The following OTOA variants were observed in gnomAD, a reference collection of about 807,000 sequenced individuals.
OTOA encodes the protein cancer/testis antigen 108.
Under a neutral mutation model 110.8 loss-of-function variants are expected in OTOA, and 70 were observed. The observed-to-expected ratio is 0.63, with a 90% CI of 0.52 to 0.77. OTOA has a LOEUF of 0.77. Among genes scored for constraint, OTOA ranks in the 30% least tolerant of loss-of-function variants. The pLI is 0.00. For missense variants in OTOA, 917 were observed against 1,075.8 expected, an observed-to-expected ratio of 0.85 and a Z score of 2.06; for synonymous variants, 373 against 431.5, an observed-to-expected ratio of 0.86 and a Z score of 1.68.
chr16:21,666,951 C>G (rs1221298940), intron 1 of OTOA, among the ~76,000 whole-genome samples: 1 of 152,038 alleles, frequency 6.6e-6, no homozygotes, highest in Non-Finnish European at 1.5e-5. Flanking sequence ...TAGAGGGGCC[C>G]GAGCAAAGAG....
At chr16:21,708,219 G>A (rs536209470) in intron 12 of OTOA, among the ~76,000 whole-genome samples, 13 of 152,306 alleles carry the variant, frequency 8.5e-5, no homozygotes, top group African/African-American at 2.6e-4. Context: ...TGGGGGTGAT[G>A]AGAGACAGTG....
chr16:21,681,468 A>G (rs1200131215), intron 5 of OTOA, among the ~76,000 whole-genome samples: 1 of 152,104 alleles, frequency 6.6e-6, no homozygotes, highest in Admixed American at 6.6e-5. Context: ...CTGTGATCCC[A>G]GCTGCTTGGG....
Position 21,710,044 on chromosome 16 carries a change from TCAGGTTGGG to T in OTOA, c.1263_1271del (p.Gly422_Ala424del). 1 of 1,614,040 alleles carries T rather than the reference TCAGGTTGGG, an allele frequency of 6.2e-7. No homozygotes were observed. Among genetic ancestry groups the T allele is most frequent in the Non-Finnish European group, 8.5e-7 (1 of 1,179,982 alleles). ...AGCCATCTCCACCCTCAACCAGGTC[TCAGGTTGGG>T]CCAAGAGCCAGGTCATCATCTTGTC... is the stretch of plus-strand genomic sequence containing the variant. On this transcript the variant is annotated inframe_deletion, in exon 13 of 29. Coordinates refer to ENST00000646100, the MANE Select transcript of OTOA (RefSeq NM_144672.4).
At position 21,715,040 on chromosome 16, in the gene OTOA, C is replaced by A; in HGVS notation, c.1376C>A (p.Thr459Asn). The A allele has an allele frequency of 6.2e-7, 1 of 1,614,178 alleles. No homozygotes were observed. The highest frequency in any genetic ancestry group is 8.5e-7 in the Non-Finnish European group (1 of 1,180,010). ...GGCGCACTGCTGGCTGGGGTCAGCACCCAGGCCTTCTGCAGCATGAAACGC... is the reference window on the plus strand; with the variant it reads ...GGCGCACTGCTGGCTGGGGTCAGCAACCAGGCCTTCTGCAGCATGAAACGC... ...QMGALLAGVS[T>N]QAFCSMKRKD... The change falls in exon 14 of 29, where the codon ACC (threonine) becomes AAC (asparagine). Residue 459 changes from threonine to asparagine, a missense_variant. Physicochemically the swap from Thr to Asn is moderately conservative, Grantham distance 65 (BLOSUM62 0). Coordinates refer to ENST00000646100, the MANE Select transcript of OTOA (RefSeq NM_144672.4).
chr16:21,697,038 T>C (rs1231211400), intron 9 of OTOA, among the ~76,000 whole-genome samples: 1 of 20,386 alleles, frequency 4.9e-5, no homozygotes, highest in Non-Finnish European at 1.2e-4. Flanking sequence ...TACAGCTGGC[T>C]TTTTTTTTTT....
Position 21,671,666 on chromosome 16 carries a change from G to A in OTOA, c.-4-6845G>A, listed in dbSNP as rs546179683. Among the ~76,000 whole-genome samples the A allele has an allele frequency of 2.6e-5, 4 of 151,826 alleles. No homozygotes were observed. In the East Asian group the frequency reaches 5.8e-4, roughly 22 times the overall value. Reference sequence around the variant, plus strand: ...CAACATTGCACAGCTAGTAAGTGGCGGAGACGTGATTCAGAACAGGTGACT... The same window carrying A: ...CAACATTGCACAGCTAGTAAGTGGCAGAGACGTGATTCAGAACAGGTGACT... On this transcript the variant is annotated intron_variant, in intron 1 of 28. Transcript: ENST00000646100.
At position 21,726,618 on chromosome 16, in the gene OTOA, AC is replaced by A; in HGVS notation, c.1977del (p.His659GlnfsTer69). 1 of 1,613,980 alleles carries A rather than the reference AC, an allele frequency of 6.2e-7. No homozygotes were observed. The highest frequency in any genetic ancestry group is 8.5e-7 in the Non-Finnish European group (1 of 1,179,988). ...SWLDSLVLDS[H>X]KKTSVLRKVQ... Reference sequence around the variant, plus strand: ...TTGGACTCCTTGGTTTTAGATTCCCACAAAAAGACTTCAGTCCTCAGGAAAG... The same window carrying A: ...TTGGACTCCTTGGTTTTAGATTCCCAAAAAAGACTTCAGTCCTCAGGAAAG... On this transcript the variant is annotated frameshift_variant, in exon 19 of 29. Coordinates refer to ENST00000646100, the MANE Select transcript of OTOA (RefSeq NM_144672.4). LOFTEE classifies it high-confidence loss of function.
intron 19 of OTOA, among the ~76,000 whole-genome samples, chr16:21,726,909 G>A (rs1898935503): frequency 6.6e-6 from 1 of 152,108 alleles, no homozygotes; most frequent in African/African-American, 2.4e-5. Flanking sequence ...CCCAGAGACT[G>A]GGTGCCAGTG....
At chr16:21,664,421 C>A (rs887150627) in intron 1 of OTOA, among the ~76,000 whole-genome samples, 189 bp downstream of exon 1, 2 of 151,314 alleles carry the variant, frequency 1.3e-5, no homozygotes, top group African/African-American at 4.9e-5. Flanking sequence ...GATTGGAGGG[C>A]ACTTGGAGGG....
chr16:21,731,569 G>A (rs536437523), intron 21 of OTOA, among the ~76,000 whole-genome samples: 20 of 152,314 alleles, frequency 1.3e-4, no homozygotes, highest in African/African-American at 4.8e-4. Context: ...TACCAAAAAA[G>A]GGAAGGGATA....
chr16:21,678,000 T>C (rs1286898128), intron 1 of OTOA, among the ~76,000 whole-genome samples: 1 of 151,960 alleles, frequency 6.6e-6, no homozygotes, highest in Non-Finnish European at 1.5e-5. Flanking sequence ...ACTTCTCCTG[T>C]CTTAGCCTCC....
chr16:21,731,823 A>G (rs1327854242), intron 21 of OTOA, among the ~76,000 whole-genome samples: 1 of 152,214 alleles, frequency 6.6e-6, no homozygotes, highest in African/African-American at 2.4e-5. Flanking sequence ...ATGGTCACAC[A>G]TGCTCAGCAG....
chr16:21,724,433 G>A (rs1036000309), intron 18 of OTOA, among the ~76,000 whole-genome samples: 1 of 152,178 alleles, frequency 6.6e-6, no homozygotes, highest in African/African-American at 2.4e-5. Flanking sequence ...TATCTGCAGA[G>A]TAGATAGGGG....
intron 1 of OTOA, among the ~76,000 whole-genome samples, chr16:21,671,315 A>T (rs977443157): frequency 5.3e-5 from 8 of 152,172 alleles, no homozygotes; most frequent in South Asian, 2.1e-4. Flanking sequence ...GGCCGGGCTC[A>T]GTGGCTCACA....
At chr16:21,671,406 G>C (rs1173425572) in intron 1 of OTOA, among the ~76,000 whole-genome samples, 1 of 151,682 alleles carries the variant, frequency 6.6e-6, no homozygotes, top group East Asian at 1.9e-4. Flanking sequence ...GGCCAACATG[G>C]TGGGAGCCTG....
At chr16:21,750,035 C>G (rs1251092755) in intron 24 of OTOA, among the ~76,000 whole-genome samples, 6 of 152,130 alleles carry the variant, frequency 3.9e-5, no homozygotes, top group African/African-American at 1.4e-4. Context: ...GATGCCTCCT[C>G]AGGTCCTACA....
intron 1 of OTOA, among the ~76,000 whole-genome samples, chr16:21,668,586 G>C (rs540717479): frequency 6.6e-6 from 1 of 150,388 alleles, no homozygotes; most frequent in Non-Finnish European, 1.5e-5. Context: ...TCAGCCTCCC[G>C]AGTAGCTGGG....
At chr16:21,675,316 T>C (rs1308761188) in intron 1 of OTOA, among the ~76,000 whole-genome samples, 6 of 128,646 alleles carry the variant, frequency 4.7e-5, no homozygotes, top group African/African-American at 1.8e-4. Context: ...TATTTTTTTT[T>C]TTTTTTTTTT....
At position 21,710,114 on chromosome 16, in the gene OTOA, G is replaced by C; in HGVS notation, c.1320+11G>C. The C allele has an allele frequency of 6.2e-7, 1 of 1,602,222 alleles. No individual in the cohort carries two copies. The highest frequency in any genetic ancestry group is 2.3e-5 in the East Asian group (1 of 44,296). ...TTGGCCCATGAGAAGGTCAGCTGGA[G>C]TTTTAAACTCTTTTTTATTCCCCTA... On this transcript the variant is annotated intron_variant, in intron 13 of 28. Transcript: ENST00000646100.
Sources: gnomAD v4.1 joint callset for allele counts (sites outside exome capture counted in the v4.1 genomes callset) on GRCh38, gnomAD v4.1.1 for gene constraint, MANE v1.5 for transcripts, NCBI Gene and HGNC (gene_info 2026-07-23, HGNC 2026-07-21) for gene names.